Variants in PAK5 observed in about 807,000 individuals in gnomAD.
The protein encoded by PAK5 is serine/threonine-protein kinase PAK 5.
In PAK5, 16 loss-of-function variants were observed where a neutral mutation model predicts 65.9. That is an observed-to-expected ratio of 0.24 (90% CI 0.16 to 0.37). The LOEUF (loss-of-function observed/expected upper bound fraction) is 0.37. Ranked by LOEUF, PAK5 falls within the 10% of genes least tolerant of loss-of-function variation. PAK5 has a pLI of 1.00. For missense variants in PAK5, 785 were observed against 903.9 expected, an observed-to-expected ratio of 0.87 and a Z score of 1.69; for synonymous variants, 371 against 354.9, an observed-to-expected ratio of 1.05 and a Z score of -0.51.
chr20:9,775,061 C>T (rs963848373), intron 1 of PAK5, among the ~76,000 whole-genome samples: 4 of 152,106 alleles, frequency 2.6e-5, no homozygotes, highest in African/African-American at 9.7e-5. Context: ...AGAGGCTATA[C>T]TAACTAAAGA....
chr20:9,539,006 G>A lies in PAK5; in HGVS notation c.*456C>T, dbSNP rs146531467. On this transcript the variant is annotated 3_prime_UTR_variant, in exon 10 of 10. Coordinates refer to ENST00000353224, the MANE Select transcript of PAK5 (RefSeq NM_177990.4). ...AGTACTATAAATTATCAAAACTATC[G>A]TACAGAAAAATTACAAATTCGTTGC... 6.5e-5 allele frequency: 15 copies of A among 232,458 alleles called. No individual in the cohort carries two copies. The highest frequency in any genetic ancestry group is 1.8e-4 in the South Asian group (1 of 5,506). The allele number at this position is 232,458 out of a possible 1,614,324, so 14.4% of individuals were successfully genotyped here.
intron 1 of PAK5, among the ~76,000 whole-genome samples, chr20:9,725,257 A>G (rs2048262692): frequency 6.6e-6 from 1 of 152,154 alleles, no homozygotes; most frequent in Non-Finnish European, 1.5e-5. Flanking sequence ...ATTTACAGAA[A>G]TATGGTTTAG....
At position 9,539,069 on chromosome 20, in the gene PAK5, T is replaced by C. The variant is rs1603182826; in HGVS notation, c.*393A>G. The C allele has an allele frequency of 1.7e-5, 4 of 236,094 alleles. No individual in the cohort carries two copies. The East Asian group carries it at 2.4e-4, about 14-fold the overall frequency. The allele number at this position is 236,094 out of a possible 1,614,324, so 14.6% of individuals were successfully genotyped here. On this transcript the variant is annotated 3_prime_UTR_variant, in exon 10 of 10. Coordinates refer to ENST00000353224, the MANE Select transcript of PAK5 (RefSeq NM_177990.4). ...ACTGCTACCATTAAGAAAAAAGTGC[T>C]TTTTGTTTTCCTTTCTTTCTTTTTT... is the stretch of plus-strand genomic sequence containing the variant.
intron 1 of PAK5, among the ~76,000 whole-genome samples, chr20:9,738,909 A>T (rs769966328): frequency 6.6e-6 from 1 of 152,034 alleles, no homozygotes; most frequent in South Asian, 2.1e-4. Flanking sequence ...TTTAGCTGCA[A>T]TAGTAACATT....
intron 6 of PAK5, among the ~76,000 whole-genome samples, chr20:9,560,489 A>G (rs987295502): frequency 1.7e-4 from 26 of 152,104 alleles, no homozygotes; most frequent in Non-Finnish European, 3.1e-4. Flanking sequence ...CCTCTCGAGT[A>G]GCTAGGACTA....
At chr20:9,828,022 G>A (rs112001014) in intron 1 of PAK5, among the ~76,000 whole-genome samples, 1 of 152,072 alleles carries the variant, frequency 6.6e-6, no homozygotes, top group African/African-American at 2.4e-5. Flanking sequence ...TTTTAGTAGA[G>A]ACAGGGTTTC....
rs1179939210 is a variant in PAK5 at position 9,767,727 on chromosome 20, C to G, written c.-161-56292G>C. On this transcript the variant is annotated intron_variant, in intron 1 of 9. Transcript: ENST00000353224. ...TCCCTCTGCTTCTTGCTGCCACATTCAGCCCATGCAGGTCAGTGGTATTGG... is the reference window on the plus strand; with the variant it reads ...TCCCTCTGCTTCTTGCTGCCACATTGAGCCCATGCAGGTCAGTGGTATTGG... Among the ~76,000 whole-genome samples, 4 of 152,188 alleles carry G rather than the reference C, an allele frequency of 2.6e-5. No individual in the cohort carries two copies. The South Asian group carries it at 6.2e-4, about 24-fold the overall frequency.
At chr20:9,729,636 C>T (rs1330670228) in intron 1 of PAK5, among the ~76,000 whole-genome samples, 1 of 152,174 alleles carries the variant, frequency 6.6e-6, no homozygotes, top group Non-Finnish European at 1.5e-5. Flanking sequence ...CCTGCTTCTA[C>T]TGATTCTTGC....
At chr20:9,740,905 G>A (rs1249728003) in intron 1 of PAK5, among the ~76,000 whole-genome samples, 1 of 152,182 alleles carries the variant, frequency 6.6e-6, no homozygotes, top group Non-Finnish European at 1.5e-5. Context: ...GAAATGATTG[G>A]AAATGAAAGG....
At chr20:9,643,742 G>A (rs1468260052) in intron 3 of PAK5, among the ~76,000 whole-genome samples, 2 of 152,054 alleles carry the variant, frequency 1.3e-5, no homozygotes, top group African/African-American at 4.8e-5. Flanking sequence ...AATATTTTGA[G>A]AGCAAATGGA....
At chr20:9,548,578 A>T (rs949954424) in intron 7 of PAK5, among the ~76,000 whole-genome samples, 4 of 152,172 alleles carry the variant, frequency 2.6e-5, no homozygotes, top group African/African-American at 9.7e-5. Context: ...TGGGGACAAC[A>T]ACTCTGCTTT....
chr20:9,837,544 C>T (rs887893381), intron 1 of PAK5, among the ~76,000 whole-genome samples: 1 of 152,186 alleles, frequency 6.6e-6, no homozygotes, highest in African/African-American at 2.4e-5. Flanking sequence ...AACAGATACA[C>T]AAATCTAAGG....
chr20:9,683,442 T>C (rs2047676601), intron 2 of PAK5, among the ~76,000 whole-genome samples: 2 of 152,354 alleles, frequency 1.3e-5, no homozygotes, highest in South Asian at 4.1e-4. Flanking sequence ...TGAAGGTAAA[T>C]ACAACTCCTT....
intron 1 of PAK5, among the ~76,000 whole-genome samples, chr20:9,762,080 G>A (rs781190650): frequency 1.3e-5 from 2 of 151,836 alleles, no homozygotes; most frequent in Non-Finnish European, 2.9e-5. Context: ...AATAAAATTG[G>A]GCCCTTCTCT....
chr20:9,576,626 T>G (rs2045889612), intron 4 of PAK5, among the ~76,000 whole-genome samples: 1 of 152,212 alleles, frequency 6.6e-6, no homozygotes, highest in African/African-American at 2.4e-5. Context: ...CTAATGCAAC[T>G]TCATTGCTTC....
chr20:9,770,366 G>T (rs2048819503), intron 1 of PAK5, among the ~76,000 whole-genome samples: 1 of 152,142 alleles, frequency 6.6e-6, no homozygotes, highest in South Asian at 2.1e-4. Flanking sequence ...AGCTGAAGGT[G>T]AAAATGAGGG....
chr20:9,582,636 A>G (rs1194884604), intron 3 of PAK5, among the ~76,000 whole-genome samples: 1 of 152,178 alleles, frequency 6.6e-6, no homozygotes, highest in African/African-American at 2.4e-5. Context: ...CAGTAAGTGT[A>G]GCGTCTACTC....
chr20:9,808,224 G>T (rs1018994387), intron 1 of PAK5, among the ~76,000 whole-genome samples: 4 of 152,120 alleles, frequency 2.6e-5, no homozygotes, highest in Non-Finnish European at 2.9e-5. Flanking sequence ...TACATTGTTT[G>T]AAAGAATACA....
chr20:9,682,978 G>T (rs964634970), intron 2 of PAK5, among the ~76,000 whole-genome samples: 1 of 152,228 alleles, frequency 6.6e-6, no homozygotes, highest in Non-Finnish European at 1.5e-5. Flanking sequence ...ACATTAGGGT[G>T]CTAGGACTTA....
Sources: gnomAD v4.1 joint callset for allele counts (sites outside exome capture counted in the v4.1 genomes callset) on GRCh38, gnomAD v4.1.1 for gene constraint, MANE v1.5 for transcripts, NCBI Gene and HGNC (gene_info 2026-07-23, HGNC 2026-07-21) for gene names.